Variants in DNAH3 observed in about 807,000 individuals in gnomAD.
DNAH3 encodes the protein axonemal beta dynein heavy chain 3.
In DNAH3, 332 loss-of-function variants were observed where a neutral mutation model predicts 432.5. The ratio of observed to expected loss-of-function variants is 0.77; its 90% CI spans 0.70 to 0.84. DNAH3 has a LOEUF of 0.84. DNAH3 is among the 40% of genes least tolerant of loss of function. DNAH3 has a pLI of 0.00. For synonymous variants in DNAH3, 1,956 were observed against 1,900.2 expected, an observed-to-expected ratio of 1.03 and a Z score of -0.76; for missense variants, 4,861 against 5,114.0, an observed-to-expected ratio of 0.95 and a Z score of 1.51.
chr16:20,990,951 G>A (rs778976479), intron 44 of DNAH3, among the ~76,000 whole-genome samples: 1 of 152,090 alleles, frequency 6.6e-6, no homozygotes, highest in Non-Finnish European at 1.5e-5. Flanking sequence ...AATCCGGGAG[G>A]CAGAGGTTAC....
intron 51 of DNAH3, among the ~76,000 whole-genome samples, chr16:20,972,034 G>A (rs1047856661): frequency 2.0e-5 from 3 of 152,178 alleles, no homozygotes; most frequent in African/African-American, 4.8e-5. Flanking sequence ...CAATTCATGC[G>A]CCTCAGGGGC....
chr16:20,964,263 GC>G lies in DNAH3; in HGVS notation c.9620del (p.Gly3207AlafsTer18). On this transcript the variant is annotated frameshift_variant, in exon 53 of 62. Coordinates refer to ENST00000261383, the Ensembl canonical transcript of DNAH3. LOFTEE classifies it high-confidence loss of function. Reference sequence around the variant, plus strand: ...CTGGCTTCTCCTTCGCAGCCACGATGCCAAGGAGTTGATCTTGGAGACCCAA... The same window carrying G: ...CTGGCTTCTCCTTCGCAGCCACGATGCAAGGAGTTGATCTTGGAGACCCAA... The G allele has an allele frequency of 6.2e-7, 1 of 1,614,162 alleles. No homozygotes were observed. Among genetic ancestry groups the G allele is most frequent in the Non-Finnish European group, 8.5e-7 (1 of 1,180,046 alleles).
intron 27 of DNAH3, 115 bp from the exon 28 acceptor site, chr16:21,054,649 C>T (rs941799770): frequency 1.4e-6 from 1 of 714,682 alleles, no homozygotes; most frequent in Non-Finnish European, 2.4e-6. Context: ...TCCTGGGTGT[C>T]ATCCCTCAAG....
At chr16:21,050,070 G>C (rs757773104) in intron 29 of DNAH3, 52 bp from the exon 30 acceptor site, 38 of 1,295,446 alleles carry the variant, frequency 2.9e-5, no homozygotes, top group Non-Finnish European at 3.7e-5. Context: ...ACACAGGAAA[G>C]AAACCGGCTT....
At chr16:21,016,866 G>A (rs892602055) in intron 41 of DNAH3, among the ~76,000 whole-genome samples, 1 of 152,146 alleles carries the variant, frequency 6.6e-6, no homozygotes, top group Non-Finnish European at 1.5e-5. Context: ...ATGGATGAAC[G>A]CCGAAGACAT....
chr16:20,986,783 C>T (rs1002783068), intron 47 of DNAH3, among the ~76,000 whole-genome samples: 3 of 151,980 alleles, frequency 2.0e-5, no homozygotes, highest in Non-Finnish European at 2.9e-5. Flanking sequence ...CCTCTGAACG[C>T]AAGATAAAAC....
chr16:20,937,932 G>A (rs943583534), intron 59 of DNAH3, among the ~76,000 whole-genome samples: 11 of 152,166 alleles, frequency 7.2e-5, no homozygotes, highest in Admixed American at 2.0e-4. Context: ...TTTATGTTAC[G>A]AGGCCCAGCC....
At chr16:21,002,877 T>TC (rs1300315781) in intron 42 of DNAH3, among the ~76,000 whole-genome samples, 9 of 151,874 alleles carry the variant, frequency 5.9e-5, no homozygotes, top group Non-Finnish European at 1.5e-5. Context: ...CCATAAATGT[T>TC]CCCCCCACCG....
At chr16:20,997,357 G>A (rs758416643) in exon 44 of DNAH3, 21 of 1,614,056 alleles carry the variant, frequency 1.3e-5, no homozygotes, top group Non-Finnish European at 1.8e-5. Context: ...GTCCAGCCTG[G>A]TTGTGTCTTT....
chr16:21,014,809 T>C (rs1425389646), intron 41 of DNAH3, among the ~76,000 whole-genome samples: 2 of 152,122 alleles, frequency 1.3e-5, no homozygotes, highest in African/African-American at 4.8e-5. Context: ...AAGTGGAATT[T>C]GAAATGAAAA....
intron 16 of DNAH3, among the ~76,000 whole-genome samples, chr16:21,099,752 T>C (rs1159451548): frequency 2.6e-5 from 4 of 152,168 alleles, no homozygotes; most frequent in Non-Finnish European, 5.9e-5. Context: ...TGGTATACAA[T>C]AGTCAATACA....
At chr16:21,041,647 G>T (rs1050202569) in intron 32 of DNAH3, among the ~76,000 whole-genome samples, 2 of 152,122 alleles carry the variant, frequency 1.3e-5, no homozygotes, top group African/African-American at 2.4e-5. Flanking sequence ...CCCCAGGTAG[G>T]TACCTCCAGA....
intron 40 of DNAH3, 114 bp downstream of exon 40, chr16:21,021,857 C>G: frequency 7.8e-7 from 1 of 1,280,184 alleles, no homozygotes; most frequent in South Asian, 1.6e-5. Flanking sequence ...GAGCCAAGAT[C>G]ATGCCACTGC....
In DNAH3 at chr16:21,003,215, CAAAGA is replaced by C. The variant is rs1305933363; in HGVS notation, c.6023-13_6023-9del. 6.3e-6 allele frequency: 10 copies of C among 1,582,070 alleles called. No homozygotes were observed. Among genetic ancestry groups the C allele is most frequent in the Non-Finnish European group, 8.6e-6 (10 of 1,160,910 alleles). ...AAAAATCATAGATGCTTCCTGGACC[CAAAGA>C]AACAAAACAGATCATTAGCACATGA... On this transcript the variant is annotated splice_polypyrimidine_tract_variant and intron_variant, in intron 41 of 61. Transcript: ENST00000261383.
intron 16 of DNAH3, among the ~76,000 whole-genome samples, chr16:21,103,138 G>C (rs946198133): frequency 8.5e-5 from 13 of 152,086 alleles, no homozygotes; most frequent in African/African-American, 3.1e-4. Context: ...GCATAAGAAT[G>C]ATACAATGGA....
At position 21,053,920 on chromosome 16, in the gene DNAH3, G is replaced by A. The variant is rs558876899; in HGVS notation, c.4039+500C>T. 3.6e-4 allele frequency among the ~76,000 whole-genome samples: 54 copies of A among 152,080 alleles called. No homozygotes were observed. The East Asian group carries it at 9.7e-3, about 27-fold the overall frequency. Reference sequence around the variant, plus strand: ...CTCACCACCCACTGCTTGCAACATTGCCCATTTCCAGTCCCTTAGGCTTGG... The same window carrying A: ...CTCACCACCCACTGCTTGCAACATTACCCATTTCCAGTCCCTTAGGCTTGG... On this transcript the variant is annotated intron_variant, in intron 28 of 61. Transcript: ENST00000261383.
intron 51 of DNAH3, among the ~76,000 whole-genome samples, chr16:20,970,850 T>C (rs1241551604): frequency 1.3e-5 from 2 of 150,818 alleles, no homozygotes; most frequent in East Asian, 1.9e-4. Context: ...GGATTTCTTT[T>C]CTTTTCTCTA....
chr16:20,958,647 G>A (rs1054282696), intron 54 of DNAH3, among the ~76,000 whole-genome samples: 1 of 152,108 alleles, frequency 6.6e-6, no homozygotes, highest in African/African-American at 2.4e-5. Context: ...AGGCCTCCAA[G>A]ACTTCCCCAA....
chr16:21,058,779 T>C (rs748431373), intron 26 of DNAH3, among the ~76,000 whole-genome samples: 2 of 151,372 alleles, frequency 1.3e-5, no homozygotes, highest in Non-Finnish European at 2.9e-5. Context: ...TAAGTGGGAG[T>C]TGAACAATGA....
Sources: allele counts gnomAD v4.1 joint callset (sites outside exome capture counted in the v4.1 genomes callset), GRCh38; gene constraint gnomAD v4.1.1; transcripts MANE v1.5; gene names NCBI Gene and HGNC (gene_info 2026-07-23, HGNC 2026-07-21).